ASH1L: variants seen among roughly 807,000 people sequenced by gnomAD.
The protein encoded by ASH1L is histone-lysine N-methyltransferase ASH1L.
In ASH1L, 23 loss-of-function variants were observed where a neutral mutation model predicts 269.0. That is an observed-to-expected ratio of 0.09 (90% confidence interval 0.06 to 0.12). The LOEUF is 0.12. Among genes scored for constraint, ASH1L ranks in the 10% least tolerant of loss-of-function variants. The pLI, the probability that ASH1L is intolerant of heterozygous loss-of-function variation, is 1.00. For synonymous variants in ASH1L, 1,187 were observed against 1,253.5 expected (o/e 0.95, Z 1.12); for missense variants, 2,912 against 3,567.8 (o/e 0.82, Z 4.68).
chr1:155,490,968 C>CAAAAAAAAAA (rs767615285), intron 2 of ASH1L, among the ~76,000 whole-genome samples: 1 of 61,380 alleles, frequency 1.6e-5, no homozygotes, highest in Admixed American at 2.3e-4. Context: ...ACCCTGATTC[C>CAAAAAAAAAA]AAAAAAAAAA....
intron 11 of ASH1L, 28 bp downstream of exon 11, chr1:155,370,749 A>T: frequency 6.2e-7 from 1 of 1,613,802 alleles, no homozygotes. Flanking sequence ...TTGGCATTTT[A>T]TTAGAGTATC....
In ASH1L at chr1:155,482,165, T is replaced by G. The variant is rs778726677; in HGVS notation, c.705A>C (p.Thr235=). The change falls in exon 3 of 28, where the codon ACA becomes ACC. Residue 235 remains threonine, a synonymous_variant. Coordinates refer to ENST00000392403, the MANE Select transcript of ASH1L (RefSeq NM_018489.3). ...TGCCAGTTCCTAACTTCTTCGGTTT[T>G]GTCTTGGAAGACTTGGAAGGAGGAC... ...ATCPPSKSSK[T]KPKKLGTGTT... 1 of 1,614,230 alleles carries G rather than the reference T, an allele frequency of 6.2e-7. No homozygotes were observed. Among genetic ancestry groups the G allele is most frequent in the Non-Finnish European group, 8.5e-7 (1 of 1,180,024 alleles).
chr1:155,529,601 G>T (rs1402247161), intron 1 of ASH1L, among the ~76,000 whole-genome samples: 2 of 151,942 alleles, frequency 1.3e-5, no homozygotes, highest in Non-Finnish European at 2.9e-5. Flanking sequence ...CAGATGCATA[G>T]CTTGCAAAAT....
chr1:155,406,045 A>G (rs1659257386), intron 6 of ASH1L, among the ~76,000 whole-genome samples: 1 of 151,674 alleles, frequency 6.6e-6, no homozygotes, highest in Non-Finnish European at 1.5e-5. Context: ...ATCTACTAAA[A>G]ATACAAAAAG....
At chr1:155,540,369 A>T (rs536693599) in intron 1 of ASH1L, among the ~76,000 whole-genome samples, 6 of 152,232 alleles carry the variant, frequency 3.9e-5, no homozygotes, top group Admixed American at 1.3e-4. Context: ...ACTTCACAGT[A>T]TCACTGTTTA....
Position 155,479,312 on chromosome 1 carries a change from G to C in ASH1L, c.3558C>G (p.Ser1186=). The change falls in exon 3 of 28, where the codon TCC becomes TCG. Residue 1186 remains serine, a synonymous_variant. Transcript: ENST00000392403. The part of the protein sequence containing the change: ...ELTSLKEATP[S]PISESHSDET... ...CATCACTATGAGACTCACTGATTGG[G>C]GAAGGAGTAGCTTCTTTTAGAGATG... The C allele has an allele frequency of 6.2e-7, 1 of 1,614,106 alleles. No individual in the cohort carries two copies. The highest frequency in any genetic ancestry group is 8.5e-7 in the Non-Finnish European group (1 of 1,180,018).
At chr1:155,419,020 G>A (rs372873169) in intron 5 of ASH1L, among the ~76,000 whole-genome samples, 18 of 152,162 alleles carry the variant, frequency 1.2e-4, no homozygotes, top group Admixed American at 3.3e-4. Context: ...AGCTGAGATC[G>A]CACCACTGCA....
chr1:155,378,472 A>G (rs1175301308), intron 9 of ASH1L, 31 bp downstream of exon 9: 1 of 1,612,314 alleles, frequency 6.2e-7, no homozygotes, highest in African/African-American at 1.3e-5. Flanking sequence ...TAACGTATAG[A>G]GGCAGAAAAA....
At chr1:155,545,842 G>A (rs1406995501) in intron 1 of ASH1L, among the ~76,000 whole-genome samples, 1 of 151,894 alleles carries the variant, frequency 6.6e-6, no homozygotes, top group Non-Finnish European at 1.5e-5. Context: ...CCAACGTAGT[G>A]AAACCCCATC....
intron 7 of ASH1L, among the ~76,000 whole-genome samples, chr1:155,381,838 G>C (rs1004821545): frequency 6.6e-6 from 1 of 151,624 alleles, no homozygotes; most frequent in African/African-American, 2.4e-5. Flanking sequence ...AGTGTGTCAA[G>C]ATCACGTACT....
chr1:155,386,891 C>T (rs1005936718), intron 7 of ASH1L, among the ~76,000 whole-genome samples: 6 of 152,072 alleles, frequency 3.9e-5, no homozygotes, highest in Admixed American at 2.0e-4. Flanking sequence ...CTTTTGGCAT[C>T]GTCATGAAGT....
At chr1:155,403,899 A>G (rs1022844191) in intron 6 of ASH1L, among the ~76,000 whole-genome samples, 1 of 151,616 alleles carries the variant, frequency 6.6e-6, no homozygotes, top group African/African-American at 2.4e-5. Flanking sequence ...ATTAAAAAAA[A>G]AAAAAAATAG....
intron 1 of ASH1L, among the ~76,000 whole-genome samples, chr1:155,550,108 C>T (rs1671097621): frequency 6.6e-6 from 1 of 151,448 alleles, no homozygotes; most frequent in African/African-American, 2.4e-5. Flanking sequence ...GCAATCTCCA[C>T]CTCCCGAGTT....
At chr1:155,357,108 C>CACAG (rs1553244825) in intron 15 of ASH1L, among the ~76,000 whole-genome samples, 1 of 103,290 alleles carries the variant, frequency 9.7e-6, no homozygotes, top group Non-Finnish European at 1.8e-5. Flanking sequence ...CACACACACA[C>CACAG]ACACACACAC....
chr1:155,498,614 T>C (rs1194879529), intron 2 of ASH1L, among the ~76,000 whole-genome samples: 1 of 152,038 alleles, frequency 6.6e-6, no homozygotes, highest in Non-Finnish European at 1.5e-5. Context: ...GCTAATTTTG[T>C]AGTTTTAGTC....
At chr1:155,377,953 G>A (rs1399167602) in intron 10 of ASH1L, among the ~76,000 whole-genome samples, 1 of 151,792 alleles carries the variant, frequency 6.6e-6, no homozygotes, top group African/African-American at 2.4e-5. Context: ...AACCCGGGAG[G>A]CGGAGCTTGC....
intron 13 of ASH1L, among the ~76,000 whole-genome samples, chr1:155,359,220 T>C (rs1372958185): frequency 6.6e-6 from 1 of 152,146 alleles, no homozygotes; most frequent in African/African-American, 2.4e-5. Flanking sequence ...TCTCAGCCTC[T>C]TGAGTATGTG....
intron 13 of ASH1L, among the ~76,000 whole-genome samples, chr1:155,359,100 A>C (rs1245025420): frequency 6.6e-6 from 1 of 152,158 alleles, no homozygotes; most frequent in Non-Finnish European, 1.5e-5. Flanking sequence ...AGTGTGGGCC[A>C]CAGAACGAGA....
At chr1:155,473,697 T>A (rs1305310199) in intron 3 of ASH1L, among the ~76,000 whole-genome samples, 2 of 151,974 alleles carry the variant, frequency 1.3e-5, no homozygotes, top group African/African-American at 4.8e-5. Context: ...GATGGGAGGC[T>A]CCTATGTTGC....
Sources: allele counts gnomAD v4.1 joint callset (sites outside exome capture counted in the v4.1 genomes callset), GRCh38; gene constraint gnomAD v4.1.1; transcripts MANE v1.5; gene names NCBI Gene and HGNC (gene_info 2026-07-23, HGNC 2026-07-21).